ZNF570: variants seen among roughly 807,000 people sequenced by gnomAD.
ZNF570 encodes the protein zinc finger protein 570.
Under a neutral mutation model 14.2 loss-of-function variants are expected in ZNF570, and 8 were observed. The ratio of observed to expected loss-of-function variants is 0.56; its 90% CI spans 0.33 to 1.02. ZNF570 has a LOEUF of 1.02. ZNF570 is among the 50% of genes least tolerant of loss of function. ZNF570 has a pLI of 0.03. For synonymous variants in ZNF570, 202 were observed against 207.6 expected (o/e 0.97, Z 0.23); for missense variants, 559 against 624.9 (o/e 0.89, Z 1.12).
chr19:37,482,566 C>T (rs1487572127), intron 4 of ZNF570, among the ~76,000 whole-genome samples: 1 of 152,204 alleles, frequency 6.6e-6, no homozygotes, highest in East Asian at 1.9e-4. Flanking sequence ...CACCTCCCAC[C>T]AGGCCCCACC....
upstream of ZNF570, among the ~76,000 whole-genome samples, chr19:37,468,828 C>T (rs1178150451): frequency 6.6e-6 from 1 of 152,196 alleles, no homozygotes; most frequent in African/African-American, 2.4e-5. Context: ...TGGGAGACTG[C>T]CAGGAGTGTA....
In ZNF570 at chr19:37,484,113, A is replaced by G. The variant is rs2042118526; in HGVS notation, c.491A>G (p.Glu164Gly). ...EEPLFDEREQ[E>G]YKSWGSFHQN... ...CCCCTTTTTGATGAGAGAGAACAAG[A>G]ATATAAATCTTGGGGAAGTTTTCAT... The change falls in exon 5 of 5, where the codon GAA (glutamate) becomes GGA (glycine). Residue 164 changes from glutamate to glycine, a missense_variant. Coordinates refer to ENST00000330173, the MANE Select transcript of ZNF570 (RefSeq NM_144694.5). The G allele has an allele frequency of 6.2e-7, 1 of 1,614,064 alleles. No individual in the cohort carries two copies. The highest frequency in any genetic ancestry group is 2.2e-5 in the East Asian group (1 of 44,874).
At chr19:37,472,299 C>T (rs2041974795) in intron 2 of ZNF570, among the ~76,000 whole-genome samples, 1 of 151,932 alleles carries the variant, frequency 6.6e-6, no homozygotes, top group Non-Finnish European at 1.5e-5. Context: ...TCTCTCTCTA[C>T]CTCTACTCTT....
At chr19:37,476,723 T>C (rs1167184258) in intron 4 of ZNF570, among the ~76,000 whole-genome samples, 2 of 146,064 alleles carry the variant, frequency 1.4e-5, no homozygotes, top group African/African-American at 2.6e-5. Context: ...TTTTTTTTTT[T>C]TTTTGTGACA....
intron 4 of ZNF570, among the ~76,000 whole-genome samples, chr19:37,482,262 A>G (rs1467417268): frequency 6.6e-6 from 1 of 152,142 alleles, no homozygotes; most frequent in Non-Finnish European, 1.5e-5. Flanking sequence ...AATGAAATAT[A>G]ATACCTGAGA....
chr19:37,468,012 C>A (rs2041877725), upstream of ZNF570: 3 of 1,318,966 alleles, frequency 2.3e-6, no homozygotes, highest in Non-Finnish European at 3.2e-6. Context: ...TCTAAACAGA[C>A]TTGGCCTTAC....
chr19:37,469,726 C>A, intron 1 of ZNF570, 169 bp downstream of exon 1: 1 of 710,804 alleles, frequency 1.4e-6, no homozygotes. Flanking sequence ...TTCTTTGTGA[C>A]TGGGTTGTGA....
At chr19:37,483,552 T>C (rs2042110354) in intron 4 of ZNF570, among the ~76,000 whole-genome samples, 1 of 152,256 alleles carries the variant, frequency 6.6e-6, no homozygotes, top group Non-Finnish European at 1.5e-5. Context: ...GTGAATGTTC[T>C]TGAATGAAGC....
chr19:37,469,017 C>T (rs1205194568), upstream of ZNF570: 17 of 981,728 alleles, frequency 1.7e-5, no homozygotes, highest in Middle Eastern at 1.0e-3. Flanking sequence ...CTCAACTCCC[C>T]GCCCTGGTTG....
At position 37,488,515 on chromosome 19, in the gene ZNF570, T is replaced by TA. The variant is rs2147032836; in HGVS notation, c.*3287dup. 6.6e-6 allele frequency: 1 copy of TA among 152,284 alleles called. No individual in the cohort carries two copies. Among genetic ancestry groups the TA allele is most frequent in the East Asian group, 1.9e-4 (1 of 5,188 alleles). The allele number at this position is 152,284 out of a possible 1,614,324, so 9.4% of individuals were successfully genotyped here. A position where few individuals can be genotyped will look rare whatever the true frequency, so the allele number is the denominator to read the frequency against. On this transcript the variant is annotated 3_prime_UTR_variant, in exon 5 of 5. Coordinates refer to ENST00000330173, the MANE Select transcript of ZNF570 (RefSeq NM_144694.5). ...AATACCTTTAATTATTCATTTCTTT[T>TA]AAAAATAAGCAAATACTGTATAGCC... is the stretch of plus-strand genomic sequence containing the variant.
Position 37,484,137 on chromosome 19 carries a change from AT to A in ZNF570, c.516del (p.Gln173ArgfsTer10), listed in dbSNP as rs2042119206. The A allele has an allele frequency of 6.2e-7, 1 of 1,613,944 alleles. No individual in the cohort carries two copies. Among genetic ancestry groups the A allele is most frequent in the African/African-American group, 1.3e-5 (1 of 74,926 alleles). Reference sequence around the variant, plus strand: ...GAATATAAATCTTGGGGAAGTTTTCATCAGAACCCACTGCTTTGTACACAAA... The same window carrying A: ...GAATATAAATCTTGGGGAAGTTTTCACAGAACCCACTGCTTTGTACACAAA... ...EQEYKSWGSFHQNPLLCTQKI... is the reference protein window; with the variant it reads ...EQEYKSWGSFXQNPLLCTQKI... On this transcript the variant is annotated frameshift_variant, in exon 5 of 5. Transcript: ENST00000330173. LOFTEE classifies it low-confidence loss of function (END_TRUNC).
chr19:37,476,532 C>T, intron 4 of ZNF570, 98 bp downstream of exon 4: 1 of 1,402,578 alleles, frequency 7.1e-7, no homozygotes, highest in South Asian at 1.8e-5. Context: ...AAATTCTTCT[C>T]AAATGTTCTA....
At chr19:37,481,802 G>A (rs1206884405) in intron 4 of ZNF570, among the ~76,000 whole-genome samples, 5 of 152,142 alleles carry the variant, frequency 3.3e-5, no homozygotes, top group Admixed American at 2.6e-4. Flanking sequence ...ATAAATTGAT[G>A]CTCCCAGCTT....
At chr19:37,469,341 G>C, upstream of ZNF570, 1 of 1,415,926 alleles carries the variant, frequency 7.1e-7, no homozygotes, top group Non-Finnish European at 9.2e-7. Context: ...CTCCGGGGGC[G>C]GAGGCAGCTG....
In ZNF570 at chr19:37,486,378, C is replaced by T. The variant is rs949515947; in HGVS notation, c.*1145C>T. ...AATAGGAATAATATAGGATACTGTA[C>T]TGTAGAAATGTAAGTATTAAGTGAA... On this transcript the variant is annotated 3_prime_UTR_variant, in exon 5 of 5. Coordinates refer to ENST00000330173, the MANE Select transcript of ZNF570 (RefSeq NM_144694.5). 6.6e-6 allele frequency: 1 copy of T among 152,136 alleles called. No individual in the cohort carries two copies. Among genetic ancestry groups the T allele is most frequent in the Non-Finnish European group, 1.5e-5 (1 of 68,026 alleles). The allele number at this position is 152,136 out of a possible 1,614,324, so 9.4% of individuals were successfully genotyped here.
rs2042159688 is a variant in ZNF570 at position 37,486,820 on chromosome 19, C to T, written c.*1587C>T. 6.6e-6 allele frequency: 1 copy of T among 152,028 alleles called. No homozygotes were observed. Among genetic ancestry groups the T allele is most frequent in the South Asian group, 2.1e-4 (1 of 4,824 alleles). The allele number at this position is 152,028 out of a possible 1,614,324, so 9.4% of individuals were successfully genotyped here. A position where few individuals can be genotyped will look rare whatever the true frequency, so the allele number is the denominator to read the frequency against. On this transcript the variant is annotated 3_prime_UTR_variant, in exon 5 of 5. Transcript: ENST00000330173. The stretch of plus-strand genomic sequence containing the variant: ...GAATTCACTGGGAAGAATGCAGAAC[C>T]TACATTTAAATCAAGGAAGGAATAG...
rs763264706 is a variant in ZNF570, at chr19:37,484,367, A to G, written c.745A>G (p.Ile249Val). The G allele has an allele frequency of 7.4e-6, 12 of 1,614,140 alleles. No homozygotes were observed. The highest frequency in any genetic ancestry group is 3.3e-5 in the South Asian group (3 of 91,086). The change falls in exon 5 of 5, where the codon ATA becomes GTA. Residue 249 changes from isoleucine to valine, a missense_variant. Physicochemically the swap from Ile to Val is conservative, Grantham distance 29 (BLOSUM62 3). Transcript: ENST00000330173. ...IHTGEKPYKC[I>V]ECGKAFSQRS... The stretch of plus-strand genomic sequence containing the variant: ...TACTGGAGAGAAACCCTATAAATGT[A>G]TAGAGTGTGGAAAAGCCTTCAGCCA...
chr19:37,470,848 C>T (rs1479784603), intron 2 of ZNF570, among the ~76,000 whole-genome samples: 12 of 150,656 alleles, frequency 8.0e-5, no homozygotes, highest in South Asian at 4.2e-4. Flanking sequence ...GATAGGTGTG[C>T]GCCATCACGC....
chr19:37,468,066 T>C, upstream of ZNF570: 1 of 734,144 alleles, frequency 1.4e-6, no homozygotes, highest in Non-Finnish European at 2.1e-6. Context: ...CTCTATGCCT[T>C]TCGTGTTTTT....
Sources: allele counts gnomAD v4.1 joint callset (sites outside exome capture counted in the v4.1 genomes callset), GRCh38; gene constraint gnomAD v4.1.1; transcripts MANE v1.5; gene names NCBI Gene and HGNC (gene_info 2026-07-23, HGNC 2026-07-21).